Variants in PGM2L1 observed in about 807,000 individuals in gnomAD.
PGM2L1 encodes the protein glucose 1,6-bisphosphate synthase.
A neutral mutation model predicts 73.4 loss-of-function variants in PGM2L1; 35 were observed. The observed-to-expected ratio is 0.48, with a 90% confidence interval of 0.36 to 0.63. The LOEUF is 0.63. Among genes scored for constraint, PGM2L1 ranks in the 30% least tolerant of loss-of-function variants. PGM2L1 has a pLI of 0.00. For synonymous variants in PGM2L1, 225 were observed against 253.8 expected, an observed-to-expected ratio of 0.89 and a Z score of 1.08; for missense variants, 570 against 742.0, an observed-to-expected ratio of 0.77 and a Z score of 2.69.
intron 1 of PGM2L1, 118 bp downstream of exon 1, chr11:74,397,933 C>T: frequency 7.2e-7 from 1 of 1,379,574 alleles, no homozygotes; most frequent in Non-Finnish European, 9.4e-7. Flanking sequence ...GCTCCGCTGC[C>T]CCCCGCTCGG....
At chr11:74,377,805 C>T (rs991445495) in intron 1 of PGM2L1, among the ~76,000 whole-genome samples, 17 of 152,186 alleles carry the variant, frequency 1.1e-4, no homozygotes, top group African/African-American at 4.1e-4. Context: ...CTCTCCTTTT[C>T]CCATTCACAG....
intron 5 of PGM2L1, chr11:74,355,071 G>A (rs1862422333): frequency 7.8e-7 from 1 of 1,281,918 alleles, no homozygotes. Flanking sequence ...TCGTGGAGGT[G>A]GTTTTGGTGG....
At chr11:74,391,467 CTA>C (rs927146429) in intron 1 of PGM2L1, among the ~76,000 whole-genome samples, 9 of 152,098 alleles carry the variant, frequency 5.9e-5, no homozygotes, top group African/African-American at 1.9e-4. Flanking sequence ...TTTCCTTTTG[CTA>C]TGTTTCCTCA....
intron 1 of PGM2L1, among the ~76,000 whole-genome samples, chr11:74,376,146 C>T (rs917951343): frequency 6.6e-6 from 1 of 152,304 alleles, no homozygotes; most frequent in East Asian, 1.9e-4. Flanking sequence ...AAAATACCTT[C>T]ACATGAACAA....
chr11:74,397,973 G>C, intron 1 of PGM2L1, 78 bp downstream of exon 1: 1 of 1,446,264 alleles, frequency 6.9e-7, no homozygotes, highest in Non-Finnish European at 9.1e-7. Context: ...TGCAGCCCGC[G>C]GGGCGCTGGG....
In PGM2L1 at chr11:74,343,518, T is replaced by C. The variant is rs1862215829; in HGVS notation, c.1219-102A>G. On this transcript the variant is annotated intron_variant, in intron 9 of 13. Coordinates refer to ENST00000298198, the MANE Select transcript of PGM2L1 (RefSeq NM_173582.6). ...GCACACAACGTTCATATAATGATCCTTACTATAGTCTTCAGTCCACAAAGA... is the reference window on the plus strand; with the variant it reads ...GCACACAACGTTCATATAATGATCCCTACTATAGTCTTCAGTCCACAAAGA... The C allele has an allele frequency of 2.0e-6, 3 of 1,485,582 alleles. No homozygotes were observed. In the Admixed American group the frequency reaches 8.1e-5, roughly 40 times the overall value. 92.0% of individuals were successfully genotyped at this position (1,485,582 alleles called of 1,614,324 possible).
rs773022789 is a variant in PGM2L1 at position 74,347,326 on chromosome 11, G to C, written c.761C>G (p.Ser254Trp). 2 of 1,596,304 alleles carry C rather than the reference G, an allele frequency of 1.3e-6. No homozygotes were observed. Among genetic ancestry groups the C allele is most frequent in the East Asian group, 4.5e-5 (2 of 44,470 alleles). ...KKICFYRELN[S>W]KTTLKFVHTS... Reference sequence around the variant, plus strand: ...GTGCACAAATTTCAAGGTGGTCTTCGAGTTTAACTCCCTGTAAAGGAAAAT... The same window carrying C: ...GTGCACAAATTTCAAGGTGGTCTTCCAGTTTAACTCCCTGTAAAGGAAAAT... Residue 254 changes from serine to tryptophan, a missense_variant, in exon 7 of 14, where the codon TCG becomes TGG. Coordinates refer to ENST00000298198, the MANE Select transcript of PGM2L1 (RefSeq NM_173582.6).
intron 5 of PGM2L1, among the ~76,000 whole-genome samples, chr11:74,365,614 CTCA>C (rs1862643124): frequency 6.6e-6 from 1 of 152,116 alleles, no homozygotes; most frequent in African/African-American, 2.4e-5. Context: ...TGAAAAAATG[CTCA>C]TCATCACTGG....
At chr11:74,346,067 C>T (rs1478664705) in intron 8 of PGM2L1, among the ~76,000 whole-genome samples, 6 of 151,734 alleles carry the variant, frequency 4.0e-5, no homozygotes, top group Non-Finnish European at 7.4e-5. Flanking sequence ...GAGTTCGAGA[C>T]CAGCCTGACC....
chr11:74,365,678 G>A (rs1362742874), intron 5 of PGM2L1, among the ~76,000 whole-genome samples: 2 of 152,178 alleles, frequency 1.3e-5, no homozygotes, highest in African/African-American at 4.8e-5. Flanking sequence ...TCTCACACCA[G>A]TTAGAATGGC....
intron 13 of PGM2L1, among the ~76,000 whole-genome samples, chr11:74,338,003 C>T (rs1447402418): frequency 2.0e-5 from 3 of 152,080 alleles, no homozygotes; most frequent in African/African-American, 7.2e-5. Context: ...ATCTGAATGT[C>T]CATCAAATGA....
intron 1 of PGM2L1, among the ~76,000 whole-genome samples, chr11:74,387,359 TAAAA>T (rs1220935505): frequency 6.6e-6 from 1 of 151,994 alleles, no homozygotes; most frequent in African/African-American, 2.4e-5. Flanking sequence ...TGCATAGGCT[TAAAA>T]AAATGGAAAT....
chr11:74,395,790 C>T (rs572425968), intron 1 of PGM2L1, among the ~76,000 whole-genome samples: 1 of 152,024 alleles, frequency 6.6e-6, no homozygotes, highest in South Asian at 2.1e-4. Context: ...TACTTTTGAA[C>T]TGCAAGAACT....
intron 12 of PGM2L1, among the ~76,000 whole-genome samples, 167 bp downstream of exon 12, chr11:74,342,294 T>C (rs541102760): frequency 1.3e-5 from 2 of 152,320 alleles, no homozygotes; most frequent in South Asian, 2.1e-4. Context: ...CATTGCCCTA[T>C]ACATCTCTTC....
intron 12 of PGM2L1, among the ~76,000 whole-genome samples, chr11:74,341,992 A>G (rs1862189780): frequency 6.6e-6 from 1 of 152,100 alleles, no homozygotes; most frequent in South Asian, 2.1e-4. Context: ...ATGCTAATGT[A>G]TTATAATTAG....
At chr11:74,362,995 A>T (rs1862590903) in intron 5 of PGM2L1, among the ~76,000 whole-genome samples, 1 of 152,112 alleles carries the variant, frequency 6.6e-6, no homozygotes, top group Non-Finnish European at 1.5e-5. Flanking sequence ...GAAGTAAAGC[A>T]CTCCTCAGCA....
chr11:74,356,714 A>G lies in PGM2L1; in HGVS notation c.556-5138T>C, dbSNP rs567883331. Among the ~76,000 whole-genome samples, 24 of 152,366 alleles carry G rather than the reference A, an allele frequency of 1.6e-4. 1 individual carries two copies. In the South Asian group the frequency reaches 4.6e-3, roughly 29 times the overall value. ...CAAGAGCTACTTTTTACATATGAAG[A>G]GTTCCCATAAATCAATAAGAAACAG... On this transcript the variant is annotated intron_variant, in intron 5 of 13. Transcript: ENST00000298198.
At chr11:74,379,091 G>T (rs1862900932) in intron 1 of PGM2L1, among the ~76,000 whole-genome samples, 1 of 152,198 alleles carries the variant, frequency 6.6e-6, no homozygotes, top group Non-Finnish European at 1.5e-5. Context: ...AATTTATAAA[G>T]AAATAAGTTT....
In PGM2L1 at chr11:74,370,944, A is replaced by G; in HGVS notation, c.429T>C (p.Val143=). Residue 143 remains valine (V), a synonymous_variant, in exon 4 of 14, where the codon GTT becomes GTC. Transcript: ENST00000298198. ...LTAAVLLAKD[V]PVYLFSRYVP... Reference sequence around the variant, plus strand: ...CATATCTTGAAAAAAGGTACACAGGAACATCTTTGGCCAGCAAGACTGCAG... The same window carrying G: ...CATATCTTGAAAAAAGGTACACAGGGACATCTTTGGCCAGCAAGACTGCAG... 2 of 1,613,532 alleles carry G rather than the reference A, an allele frequency of 1.2e-6. No homozygotes were observed. Among genetic ancestry groups the G allele is most frequent in the Non-Finnish European group, 1.7e-6 (2 of 1,179,588 alleles).
Sources: allele counts gnomAD v4.1 joint callset (sites outside exome capture counted in the v4.1 genomes callset), GRCh38; gene constraint gnomAD v4.1.1; transcripts MANE v1.5; gene names NCBI Gene and HGNC (gene_info 2026-07-23, HGNC 2026-07-21).